Variants in PTK2 observed in about 807,000 individuals in gnomAD.
PTK2 encodes protein tyrosine kinase 2.
Under a neutral mutation model 150.1 loss-of-function variants are expected in PTK2, and 45 were observed. The observed-to-expected ratio is 0.30, with a 90% CI of 0.24 to 0.38. The LOEUF (loss-of-function observed/expected upper bound fraction) is 0.38, where lower values mean the gene tolerates loss of function less well. Ranked by LOEUF, PTK2 falls within the 10% of genes least tolerant of loss-of-function variation. The pLI, the probability that PTK2 is intolerant of heterozygous loss-of-function variation, is 1.00. For missense variants in PTK2, 919 were observed against 1,307.3 expected (o/e 0.70, Z 4.58); for synonymous variants, 432 against 449.2 (o/e 0.96, Z 0.48).
rs773444109 is a variant in PTK2, at chr8:140,739,011, T to C, written c.1825+7A>G. 14 of 1,510,246 alleles carry C rather than the reference T, an allele frequency of 9.3e-6. No individual in the cohort carries two copies. The highest frequency in any genetic ancestry group is 1.2e-5 in the Non-Finnish European group (14 of 1,122,378). The allele number at this position is 1,510,246 out of a possible 1,614,324, so 93.6% of individuals were successfully genotyped here. On this transcript the variant is annotated splice_region_variant and intron_variant, in intron 21 of 31. Coordinates refer to ENST00000522684, the Ensembl canonical transcript of PTK2. ...TTAAAGAATACAAAACTTTTAAGAG[T>C]ACTCACCAAACATCCATACGTCACT...
At chr8:140,768,669 C>A (rs1053345881) in intron 14 of PTK2, among the ~76,000 whole-genome samples, 4 of 152,160 alleles carry the variant, frequency 2.6e-5, no homozygotes, top group African/African-American at 7.2e-5. Context: ...TGAATGACTG[C>A]TGTGAGAATT....
Position 140,660,503 on chromosome 8 carries a change from G to A in PTK2, c.2947-825C>T, listed in dbSNP as rs62530037. On this transcript the variant is annotated intron_variant, in intron 31 of 31. Coordinates refer to ENST00000522684, the Ensembl canonical transcript of PTK2. ...CTTTGGGCGGCGGAGGCAGGCTGACGGCTTGAGCTCAAAAGTTTGAGGCCA... is the reference window on the plus strand; with the variant it reads ...CTTTGGGCGGCGGAGGCAGGCTGACAGCTTGAGCTCAAAAGTTTGAGGCCA... 4.5e-5 allele frequency: 19 copies of A among 420,856 alleles called. No homozygotes were observed. The East Asian group carries it at 5.8e-4, about 13-fold the overall frequency. 26.1% of individuals were successfully genotyped at this position (420,856 alleles called of 1,614,324 possible).
At chr8:140,780,566 T>C (rs1446684103) in intron 14 of PTK2, among the ~76,000 whole-genome samples, 1 of 152,188 alleles carries the variant, frequency 6.6e-6, no homozygotes, top group African/African-American at 2.4e-5. Context: ...CACAATTTCT[T>C]CAACAGAGTA....
intron 17 of PTK2, among the ~76,000 whole-genome samples, chr8:140,747,793 GGGA>G (rs1026925052): frequency 4.1e-5 from 6 of 144,786 alleles, no homozygotes; most frequent in East Asian, 4.2e-4. Context: ...GGGGGAGGAA[GGGA>G]GGAGGAGGAA....
At chr8:140,666,451 CTT>C (rs1403421219) in intron 30 of PTK2, among the ~76,000 whole-genome samples, 2 of 151,560 alleles carry the variant, frequency 1.3e-5, no homozygotes, top group East Asian at 1.9e-4. Context: ...AAAAAAAAAA[CTT>C]GACATTTTTC....
chr8:140,684,863 T>C (rs905986751), intron 27 of PTK2, among the ~76,000 whole-genome samples: 5 of 152,150 alleles, frequency 3.3e-5, no homozygotes, highest in South Asian at 2.1e-4. Flanking sequence ...AAACTACCAA[T>C]AACATGCTTT....
At chr8:140,983,783 T>C (rs1283005271) in intron 1 of PTK2, 1 of 152,150 alleles carries the variant, frequency 6.6e-6, no homozygotes, top group African/African-American at 2.4e-5. Flanking sequence ...CAGGGAAGAC[T>C]CAGCACTTTG....
chr8:140,752,832 G>A (rs1257227867), intron 16 of PTK2, among the ~76,000 whole-genome samples: 1 of 152,210 alleles, frequency 6.6e-6, no homozygotes, highest in African/African-American at 2.4e-5. Flanking sequence ...AGGGAGGAGA[G>A]GGAGCTGGCT....
chr8:140,766,980 T>C (rs2100072658), intron 14 of PTK2, among the ~76,000 whole-genome samples: 1 of 152,220 alleles, frequency 6.6e-6, no homozygotes, highest in Non-Finnish European at 1.5e-5. Flanking sequence ...CTGATTGTTT[T>C]GCTTCTTCTG....
In PTK2 at chr8:140,931,646, T is replaced by C. The variant is rs114938339; in HGVS notation, c.-121-5897A>G. Among the ~76,000 whole-genome samples, 701 of 152,226 alleles carry C rather than the reference T, an allele frequency of 4.6e-3. 3 individuals carry two copies. The highest frequency in any genetic ancestry group is 0.016 in the African/African-American group (661 of 41,536). On this transcript the variant is annotated intron_variant, in intron 1 of 31. Coordinates refer to ENST00000522684, the Ensembl canonical transcript of PTK2. ...TGCATAAATTTTTGATTCTTAAAAA[T>C]ACTGTAGGCCAGGCGTGATGACTCA...
At chr8:140,861,888 G>A (rs952962818) in intron 5 of PTK2, among the ~76,000 whole-genome samples, 1 of 152,168 alleles carries the variant, frequency 6.6e-6, no homozygotes, top group African/African-American at 2.4e-5. Context: ...CACTCTGACT[G>A]GATGGCAGTA....
intron 2 of PTK2, chr8:140,892,506 A>G (rs2100154581): frequency 3.1e-6 from 1 of 320,950 alleles, no homozygotes; most frequent in Non-Finnish European, 6.0e-6. Flanking sequence ...ACTGCTTTCC[A>G]GCCAGGGCGA....
At chr8:140,863,769 C>A (rs112435704) in intron 5 of PTK2, among the ~76,000 whole-genome samples, 1 of 152,014 alleles carries the variant, frequency 6.6e-6, no homozygotes, top group Admixed American at 6.6e-5. Flanking sequence ...GTGGATTATG[C>A]GATTTATTTC....
chr8:140,916,371 A>T (rs1006268056), intron 2 of PTK2, among the ~76,000 whole-genome samples: 5 of 152,240 alleles, frequency 3.3e-5, no homozygotes, highest in African/African-American at 9.6e-5. Context: ...ATAACCCCGT[A>T]TTCACTCTGT....
intron 1 of PTK2, among the ~76,000 whole-genome samples, chr8:140,959,720 T>TA (rs1403258439): frequency 1.3e-5 from 2 of 151,392 alleles, no homozygotes; most frequent in Middle Eastern, 3.4e-3. Context: ...GGCCCACGTA[T>TA]AGCAGCTCAT....
chr8:140,665,746 T>C (rs973532178), intron 30 of PTK2, among the ~76,000 whole-genome samples: 3 of 152,274 alleles, frequency 2.0e-5, no homozygotes, highest in Non-Finnish European at 2.9e-5. Flanking sequence ...AGAACGTCAT[T>C]TGGCCAAAGT....
chr8:140,806,937 A>G (rs1279173117), intron 10 of PTK2, among the ~76,000 whole-genome samples: 1 of 152,172 alleles, frequency 6.6e-6, no homozygotes, highest in Non-Finnish European at 1.5e-5. Context: ...ACGCCACCCT[A>G]CTATAGCCCT....
At position 140,743,229 on chromosome 8, in the gene PTK2, C is replaced by T; in HGVS notation, c.1735+1G>A. ...TCTTAGGTACTACTCTGATTTCTTA[C>T]CTTTGTAGTAAGTACTATCTTCCAT... On this transcript the variant is annotated splice_donor_variant, in intron 20 of 31. Transcript: ENST00000522684. LOFTEE classifies it high-confidence loss of function. 1 of 1,578,352 alleles carries T rather than the reference C, an allele frequency of 6.3e-7. No homozygotes were observed. The highest frequency in any genetic ancestry group is 8.7e-7 in the Non-Finnish European group (1 of 1,148,718).
chr8:140,687,551 A>G (rs1054130115), intron 26 of PTK2, among the ~76,000 whole-genome samples: 4 of 152,146 alleles, frequency 2.6e-5, no homozygotes, highest in Admixed American at 2.6e-4. Flanking sequence ...TCGTCTGTGT[A>G]TCTCCTATTT....
Sources: allele counts gnomAD v4.1 joint callset (sites outside exome capture counted in the v4.1 genomes callset), GRCh38; gene constraint gnomAD v4.1.1; transcripts MANE v1.5; gene names NCBI Gene and HGNC (gene_info 2026-07-23, HGNC 2026-07-21).